The following SHB variants were observed in gnomAD, a reference collection of about 807,000 sequenced individuals.
SHB encodes SH2 domain-containing adapter protein B.
Under a neutral mutation model 52.3 loss-of-function variants are expected in SHB, and 20 were observed. The ratio of observed to expected loss-of-function variants is 0.38; its 90% CI spans 0.27 to 0.56. The LOEUF is 0.56. SHB is among the 20% of genes least tolerant of loss of function. The pLI, the probability that SHB is intolerant of heterozygous loss-of-function variation, is 0.71. For synonymous variants in SHB, 397 were observed against 316.5 expected, an observed-to-expected ratio of 1.25 and a Z score of -2.70; for missense variants, 825 against 723.3, an observed-to-expected ratio of 1.14 and a Z score of -1.61.
chr9:37,996,727 G>T (rs10973635), intron 2 of SHB, among the ~76,000 whole-genome samples: 21,090 of 152,180 alleles, frequency 0.14, 1,676 homozygotes, highest in East Asian at 0.31. Context: ...GTTGGGCCTA[G>T]ATCTCCCCTC....
chr9:37,970,031 C>T (rs188355600), intron 3 of SHB, among the ~76,000 whole-genome samples: 96 of 152,300 alleles, frequency 6.3e-4, no homozygotes, highest in African/African-American at 1.9e-3. Context: ...GTGTCTCTGC[C>T]GGGTGGGAAG....
intron 2 of SHB, among the ~76,000 whole-genome samples, chr9:38,012,743 C>T (rs953003663): frequency 1.3e-5 from 2 of 151,234 alleles, no homozygotes; most frequent in South Asian, 2.1e-4. Context: ...CTGCGGCACA[C>T]GGAGGGCACA....
intron 2 of SHB, among the ~76,000 whole-genome samples, chr9:37,976,671 T>C (rs930635125): frequency 2.3e-4 from 35 of 152,214 alleles, no homozygotes; most frequent in Non-Finnish European, 4.6e-4. Flanking sequence ...ATATTCACCG[T>C]CCATGTTGGC....
At chr9:37,991,327 C>T (rs553023025) in intron 2 of SHB, among the ~76,000 whole-genome samples, 1 of 152,236 alleles carries the variant, frequency 6.6e-6, no homozygotes, top group Admixed American at 6.5e-5. Flanking sequence ...CTCCTCAGGG[C>T]TCCACGCTTT....
intron 3 of SHB, among the ~76,000 whole-genome samples, chr9:37,959,897 C>T (rs1832675878): frequency 6.6e-6 from 1 of 152,188 alleles, no homozygotes; most frequent in Non-Finnish European, 1.5e-5. Context: ...GTGCCCCTTC[C>T]CCCATACCTA....
intron 1 of SHB, among the ~76,000 whole-genome samples, chr9:38,018,734 G>T (rs1284753288): frequency 6.6e-6 from 1 of 152,202 alleles, no homozygotes; most frequent in Admixed American, 6.5e-5. Flanking sequence ...GGTGTTAGGA[G>T]AGTTGAGCAG....
intron 1 of SHB, among the ~76,000 whole-genome samples, chr9:38,051,223 C>T (rs957333194): frequency 3.9e-5 from 6 of 151,946 alleles, no homozygotes; most frequent in African/African-American, 7.3e-5. Flanking sequence ...GGGCAGATCA[C>T]GAGGTCAGGA....
At chr9:37,924,272 G>T (rs973778700) in intron 5 of SHB, among the ~76,000 whole-genome samples, 3 of 152,142 alleles carry the variant, frequency 2.0e-5, no homozygotes, top group Non-Finnish European at 2.9e-5. Context: ...CTAATAACAG[G>T]CCCCACCTTG....
Position 38,068,046 on chromosome 9 carries a change from C to A in SHB, c.600G>T (p.Leu200=). The part of the protein sequence containing the change: ...SAAGGGAGDP[L]GGACAGGRTW... ...TGCGGCCGCCCGCGCAGGCGCCCCCCAGGGGGTCCCCGGCCCCACCGCCCG... is the reference window on the plus strand; with the variant it reads ...TGCGGCCGCCCGCGCAGGCGCCCCCAAGGGGGTCCCCGGCCCCACCGCCCG... The change falls in exon 1 of 6, where the codon CTG becomes CTT. Residue 200 remains leucine, a synonymous_variant. Transcript: ENST00000377707. The A allele has an allele frequency of 6.7e-7, 1 of 1,502,838 alleles. No homozygotes were observed. The highest frequency in any genetic ancestry group is 8.8e-7 in the Non-Finnish European group (1 of 1,134,346). 93.1% of individuals were successfully genotyped at this position (1,502,838 alleles called of 1,614,324 possible). A position where few individuals can be genotyped will look rare whatever the true frequency, so the allele number is the denominator to read the frequency against.
chr9:37,976,013 T>C (rs1820648861), intron 2 of SHB, among the ~76,000 whole-genome samples: 1 of 152,212 alleles, frequency 6.6e-6, no homozygotes, highest in Admixed American at 6.5e-5. Context: ...GTAAAATACA[T>C]ATAATAACAT....
At chr9:37,973,861 C>T (rs1820621429) in intron 3 of SHB, among the ~76,000 whole-genome samples, 1 of 152,190 alleles carries the variant, frequency 6.6e-6, no homozygotes, top group Non-Finnish European at 1.5e-5. Context: ...AGGGCTAGCT[C>T]AGCTCGCAGC....
In SHB at chr9:37,948,607, G is replaced by A. The variant is rs371425661; in HGVS notation, c.1346+28C>T. 13 of 1,611,688 alleles carry A rather than the reference G, an allele frequency of 8.1e-6. No homozygotes were observed. The African/African-American group carries it at 1.3e-4, about 17-fold the overall frequency. ...TGCGCTCGCAGAGGCTGCCGAGGAG[G>A]GCTGGGGGTGCTCGGGGCGGCACTC... On this transcript the variant is annotated intron_variant, in intron 5 of 5. Transcript: ENST00000377707.
chr9:37,937,560 G>A (rs1315517844), intron 5 of SHB, among the ~76,000 whole-genome samples: 1 of 152,130 alleles, frequency 6.6e-6, no homozygotes, highest in Non-Finnish European at 1.5e-5. Context: ...CTAGAGAAGA[G>A]CAGGTGAAAG....
intron 5 of SHB, 87 bp from the exon 6 acceptor site, chr9:37,920,091 G>T: frequency 1.9e-6 from 2 of 1,073,212 alleles, no homozygotes; most frequent in Non-Finnish European, 2.8e-6. Flanking sequence ...GGGACAGAAG[G>T]GATCCCAGCC....
At chr9:38,038,359 T>A (rs1821517032) in intron 1 of SHB, among the ~76,000 whole-genome samples, 1 of 152,146 alleles carries the variant, frequency 6.6e-6, no homozygotes, top group Non-Finnish European at 1.5e-5. Context: ...ACTTTGCGGT[T>A]CATAAAACAC....
chr9:38,024,691 C>T (rs1177765314), intron 1 of SHB, among the ~76,000 whole-genome samples: 1 of 152,190 alleles, frequency 6.6e-6, no homozygotes, highest in Non-Finnish European at 1.5e-5. Flanking sequence ...TTCAGCATCT[C>T]TCAAGTAGTG....
At chr9:37,946,589 C>T (rs1432636077) in intron 5 of SHB, among the ~76,000 whole-genome samples, 1 of 152,216 alleles carries the variant, frequency 6.6e-6, no homozygotes. Flanking sequence ...GCCAGCCCGG[C>T]AGGACCTTAG....
chr9:37,997,224 T>G (rs1332867162), intron 2 of SHB, among the ~76,000 whole-genome samples: 31 of 152,338 alleles, frequency 2.0e-4, no homozygotes, highest in Admixed American at 6.5e-5. Context: ...TATCTCCATT[T>G]GCAAGCCATC....
At chr9:38,016,848 C>T (rs1366827097) in intron 1 of SHB, among the ~76,000 whole-genome samples, 1 of 152,214 alleles carries the variant, frequency 6.6e-6, no homozygotes, top group East Asian at 1.9e-4. Flanking sequence ...TTCTGCCTCC[C>T]AGGGCCCTGC....
Sources: gnomAD v4.1 joint callset for allele counts (sites outside exome capture counted in the v4.1 genomes callset) on GRCh38, gnomAD v4.1.1 for gene constraint, MANE v1.5 for transcripts, NCBI Gene and HGNC (gene_info 2026-07-23, HGNC 2026-07-21) for gene names.